HIBCH: variants seen among roughly 807,000 people sequenced by gnomAD.
The protein encoded by HIBCH is 3-hydroxyisobutyryl-CoA hydrolase, mitochondrial.
HIBCH carries 50 observed loss-of-function variants against 58.2 expected under a neutral mutation model. That is an observed-to-expected ratio of 0.86 (90% CI 0.68 to 1.09). HIBCH has a LOEUF of 1.09. Ranked by LOEUF, HIBCH falls within the 50% of genes least tolerant of loss-of-function variation. The pLI is 0.00. For synonymous variants in HIBCH, 151 were observed against 146.9 expected, an observed-to-expected ratio of 1.03 and a Z score of -0.20; for missense variants, 450 against 449.7, an observed-to-expected ratio of 1.00 and a Z score of -0.01.
chr2:190,296,422 C>CA (rs367597129), intron 3 of HIBCH, among the ~76,000 whole-genome samples: 97,376 of 134,664 alleles, frequency 0.72, 34,774 homozygotes, highest in South Asian at 0.76. Context: ...TCCTCCGTCT[C>CA]AAAAAAAAAA....
chr2:190,194,076 T>A (rs966538113), intron 1 of HIBCH, among the ~76,000 whole-genome samples: 1 of 152,224 alleles, frequency 6.6e-6, no homozygotes, highest in Non-Finnish European at 1.5e-5. Flanking sequence ...TCCAAATATA[T>A]GAGGCTTTTC....
chr2:190,260,326 T>A (rs546346398), intron 7 of HIBCH: 72 of 152,232 alleles, frequency 4.7e-4, no homozygotes, highest in Admixed American at 2.5e-3. Context: ...TACTTATGGA[T>A]AAATATGACA....
rs142808319 is a variant in HIBCH, at chr2:190,315,343, G to A, written c.35+4373C>T. 3.5e-3 allele frequency among the ~76,000 whole-genome samples: 539 copies of A among 152,220 alleles called. 8 individuals are homozygous for A. The highest frequency in any genetic ancestry group is 0.013 in the African/African-American group (521 of 41,510). ...TTAGAACAGTTATTCTCAAAGTATG[G>A]TTCTTGGACAAGTACCATCAACATC... On this transcript the variant is annotated intron_variant, in intron 1 of 13. Transcript: ENST00000359678. The surrounding 1 kb of genome is among the most constrained non-coding windows in gnomAD (Gnocchi z 5.4).
chr2:190,196,844 CTA>C (rs1559001481), intron 1 of HIBCH, among the ~76,000 whole-genome samples: 1 of 152,084 alleles, frequency 6.6e-6, no homozygotes, highest in African/African-American at 2.4e-5. Flanking sequence ...AACATAGACC[CTA>C]TGTGTCTTAG....
At position 190,304,043 on chromosome 2, in the gene HIBCH, T is replaced by C. The variant is rs1466363087; in HGVS notation, c.78+6711A>G. 1.3e-5 allele frequency among the ~76,000 whole-genome samples: 2 copies of C among 151,562 alleles called. No individual in the cohort carries two copies. The highest frequency in any genetic ancestry group is 4.9e-5 in the African/African-American group (2 of 41,234). On this transcript the variant is annotated intron_variant, in intron 2 of 13. Coordinates refer to ENST00000359678, the MANE Select transcript of HIBCH (RefSeq NM_014362.4). This position sits in a 1 kb window ranked among gnomAD's most constrained non-coding sequence, Gnocchi z 4.1. The stretch of plus-strand genomic sequence containing the variant: ...TTAAAATTGTCAAGGGCATGAAAAA[T>C]ATGGAAAGATAAGTTGAGAAACTAT...
At chr2:190,272,651 A>G (rs1403794375) in intron 6 of HIBCH, among the ~76,000 whole-genome samples, 4 of 146,378 alleles carry the variant, frequency 2.7e-5, no homozygotes, top group Non-Finnish European at 6.0e-5. Flanking sequence ...TGGCCAAGGG[A>G]AAAAAAAAAA....
At chr2:190,259,333 G>A (rs1188913701) in intron 7 of HIBCH, among the ~76,000 whole-genome samples, 1 of 142,724 alleles carries the variant, frequency 7.0e-6, no homozygotes, top group African/African-American at 2.6e-5. Context: ...GTGTGTGTGT[G>A]TGTGTGTGTG....
chr2:190,290,804 T>G (rs1220493380), intron 4 of HIBCH, among the ~76,000 whole-genome samples: 1 of 152,182 alleles, frequency 6.6e-6, no homozygotes, highest in Non-Finnish European at 1.5e-5. Flanking sequence ...GAGGATTCCT[T>G]GAGGCCAGGA....
chr2:190,191,356 G>C (rs1689701529), intron 1 of HIBCH, among the ~76,000 whole-genome samples: 1 of 152,110 alleles, frequency 6.6e-6, no homozygotes, highest in Admixed American at 6.6e-5. Flanking sequence ...TGTTGGCCAG[G>C]CTGGTCTCAA....
intron 13 of HIBCH, 175 bp downstream of exon 13, chr2:190,208,705 T>G: frequency 1.6e-6 from 1 of 628,288 alleles, no homozygotes; most frequent in Non-Finnish European, 2.9e-6. Context: ...AATATTTGCA[T>G]TATACTTATG....
intron 7 of HIBCH, 102 bp from the exon 8 acceptor site, chr2:190,252,409 T>A: frequency 1.1e-6 from 1 of 935,994 alleles, no homozygotes. Context: ...CTCTGGAGCT[T>A]GAATATACAT....
downstream of HIBCH, among the ~76,000 whole-genome samples, chr2:190,203,732 G>C (rs543106785): frequency 6.6e-6 from 1 of 152,178 alleles, no homozygotes; most frequent in East Asian, 1.9e-4. Flanking sequence ...AAAGAAAAAT[G>C]CTTCACATAA....
chr2:190,225,605 C>T (rs867977601), intron 11 of HIBCH, among the ~76,000 whole-genome samples: 2 of 152,052 alleles, frequency 1.3e-5, no homozygotes, highest in Non-Finnish European at 2.9e-5. Context: ...CAATAACAGG[C>T]TCTGAAATTG....
intron 11 of HIBCH, among the ~76,000 whole-genome samples, chr2:190,225,007 C>T (rs1685846055): frequency 1.3e-5 from 2 of 152,336 alleles, no homozygotes; most frequent in South Asian, 4.1e-4. Flanking sequence ...GAACAACTTG[C>T]TCCTGAATGA....
chr2:190,253,831 C>T (rs1686848735), intron 7 of HIBCH, among the ~76,000 whole-genome samples: 1 of 152,182 alleles, frequency 6.6e-6, no homozygotes, highest in African/African-American at 2.4e-5. Context: ...TCTTTCAGTT[C>T]CCTAACATTC....
At chr2:190,239,201 C>G (rs1686376525) in intron 11 of HIBCH, among the ~76,000 whole-genome samples, 1 of 152,138 alleles carries the variant, frequency 6.6e-6, no homozygotes, top group Non-Finnish European at 1.5e-5. Context: ...AGTTTCCCAA[C>G]AACATTTATT....
intron 9 of HIBCH, among the ~76,000 whole-genome samples, chr2:190,248,577 G>A (rs950177269): frequency 2.6e-5 from 4 of 152,170 alleles, no homozygotes; most frequent in African/African-American, 2.4e-5. Flanking sequence ...AAGACTTGTG[G>A]AAGGGCCAGG....
At chr2:190,246,047 T>C in intron 10 of HIBCH, 107 bp downstream of exon 10, 1 of 677,824 alleles carries the variant, frequency 1.5e-6, no homozygotes, top group Non-Finnish European at 2.6e-6. Context: ...CAGAATTCAG[T>C]GCACTATCAA....
At chr2:190,269,743 A>T (rs1240865961) in intron 6 of HIBCH, among the ~76,000 whole-genome samples, 1 of 152,202 alleles carries the variant, frequency 6.6e-6, no homozygotes, top group Non-Finnish European at 1.5e-5. Flanking sequence ...AAGGATTATA[A>T]ATCATTCTAC....
Sources: allele counts gnomAD v4.1 joint callset (sites outside exome capture counted in the v4.1 genomes callset), GRCh38; gene constraint gnomAD v4.1.1; non-coding constraint Gnocchi (gnomAD v3.1); transcripts MANE v1.5; gene names NCBI Gene and HGNC (gene_info 2026-07-23, HGNC 2026-07-21).